The following SUCLG2 variants were observed in gnomAD, a reference collection of about 807,000 sequenced individuals.
SUCLG2 encodes succinate-CoA ligase GDP-forming subunit beta, also known as succinate--CoA ligase [GDP-forming] subunit beta, mitochondrial.
SUCLG2 carries 42 observed loss-of-function variants against 47.9 expected under a neutral mutation model. The observed-to-expected ratio is 0.88, with a 90% confidence interval of 0.69 to 1.14. The LOEUF is 1.14. SUCLG2 is among the 50% of genes most tolerant of loss of function. The probability of loss-of-function intolerance (pLI) is 0.00; values close to 1 mark genes in which losing one functional copy is unlikely to be tolerated. For missense variants in SUCLG2, 571 were observed against 525.9 expected (o/e 1.09, Z -0.84); for synonymous variants, 195 against 197.3 (o/e 0.99, Z 0.10).
intron 9 of SUCLG2, among the ~76,000 whole-genome samples, chr3:67,481,954 G>A (rs995725727): frequency 2.6e-5 from 4 of 152,148 alleles, no homozygotes; most frequent in Admixed American, 1.3e-4. Flanking sequence ...CGAGGCGGGC[G>A]GACCACCTGA....
At chr3:67,555,567 TA>T (rs1707137276) in intron 2 of SUCLG2, among the ~76,000 whole-genome samples, 2 of 152,128 alleles carry the variant, frequency 1.3e-5, no homozygotes, top group Admixed American at 6.5e-5. Flanking sequence ...AAAAAAGGGA[TA>T]AGTTGACATT....
chr3:67,631,806 T>C lies in SUCLG2; in HGVS notation c.85-22210A>G, dbSNP rs568945095. Among the ~76,000 whole-genome samples, 9 of 152,312 alleles carry C rather than the reference T, an allele frequency of 5.9e-5. No homozygotes were observed. The East Asian group carries it at 9.6e-4, about 16-fold the overall frequency. On this transcript the variant is annotated intron_variant, in intron 1 of 10. Transcript: ENST00000307227. The stretch of plus-strand genomic sequence containing the variant: ...AAAGGCACAAACCATGTCTCATGCA[T>C]TCACCAATGCATTTCCCATGCCTGG...
At chr3:67,573,470 T>C (rs570118403) in intron 2 of SUCLG2, among the ~76,000 whole-genome samples, 1 of 152,244 alleles carries the variant, frequency 6.6e-6, no homozygotes, top group Non-Finnish European at 1.5e-5. Context: ...ATTTGATTGC[T>C]TCCATTAGAA....
At chr3:67,446,434 T>G (rs1399204022) in intron 9 of SUCLG2, among the ~76,000 whole-genome samples, 6 of 122,812 alleles carry the variant, frequency 4.9e-5, no homozygotes, top group South Asian at 3.1e-4. Flanking sequence ...TTTTTTTTTT[T>G]TTTTTTTTTT....
chr3:67,543,764 T>C (rs1706784237), intron 2 of SUCLG2, among the ~76,000 whole-genome samples: 1 of 152,222 alleles, frequency 6.6e-6, no homozygotes, highest in South Asian at 2.1e-4. Context: ...ATCTTTTCTA[T>C]GTTGACTTAA....
At chr3:67,645,841 G>C (rs1257977310) in intron 1 of SUCLG2, among the ~76,000 whole-genome samples, 1 of 151,302 alleles carries the variant, frequency 6.6e-6, no homozygotes, top group Non-Finnish European at 1.5e-5. Context: ...ACTCAAATAA[G>C]TCCTTCAAGT....
rs1702014811 is a variant in SUCLG2 at position 67,375,419 on chromosome 3, G to A, written c.*325C>T. ...CACCAAAATTCTTGTAAATGAAGCAGGACTTGATTTCAAATTCTGTCTATA... is the reference window on the plus strand; with the variant it reads ...CACCAAAATTCTTGTAAATGAAGCAAGACTTGATTTCAAATTCTGTCTATA... On this transcript the variant is annotated 3_prime_UTR_variant, in exon 11 of 11. Transcript: ENST00000307227. The A allele has an allele frequency of 7.9e-6, 8 of 1,010,430 alleles. No homozygotes were observed. Among genetic ancestry groups the A allele is most frequent in the Non-Finnish European group, 9.4e-6 (8 of 846,830 alleles). The allele number at this position is 1,010,430 out of a possible 1,614,324, so 62.6% of individuals were successfully genotyped here.
At chr3:67,602,471 C>T (rs7647801) in intron 2 of SUCLG2, among the ~76,000 whole-genome samples, 2,675 of 152,104 alleles carry the variant, frequency 0.018, 72 homozygotes, top group African/African-American at 0.06. Context: ...TCAGTGAATA[C>T]CACAAGACAC....
intron 9 of SUCLG2, among the ~76,000 whole-genome samples, chr3:67,491,729 C>T (rs1250795973): frequency 6.6e-6 from 1 of 152,126 alleles, no homozygotes; most frequent in African/African-American, 2.4e-5. Context: ...AAGCTGTATA[C>T]TTAAAATTTG....
intron 9 of SUCLG2, among the ~76,000 whole-genome samples, chr3:67,430,084 T>C (rs558396438): frequency 6.6e-6 from 1 of 152,272 alleles, no homozygotes; most frequent in Admixed American, 6.5e-5. Context: ...TGAACTCAGC[T>C]CTGCACCAAG....
chr3:67,502,774 G>A (rs564944455), intron 7 of SUCLG2, among the ~76,000 whole-genome samples: 1 of 152,262 alleles, frequency 6.6e-6, no homozygotes, highest in East Asian at 1.9e-4. Context: ...CATATGTACA[G>A]GTTACCCATG....
chr3:67,447,734 T>C (rs898960164), intron 9 of SUCLG2, among the ~76,000 whole-genome samples: 3 of 152,246 alleles, frequency 2.0e-5, no homozygotes, highest in Non-Finnish European at 2.9e-5. Flanking sequence ...CAATTATTAA[T>C]GCATTTATTT....
At position 67,505,886 on chromosome 3, in the gene SUCLG2, C is replaced by T. The variant is rs562218188; in HGVS notation, c.757+2921G>A. Among the ~76,000 whole-genome samples the T allele has an allele frequency of 3.4e-4, 51 of 152,148 alleles. No homozygotes were observed. In the South Asian group the frequency reaches 0.011, roughly 32 times the overall value. ...CTGACGTAGGAGAATCACTTGAACT[C>T]GGGAGGTGGAGGCTGCAGTGAGCTG... On this transcript the variant is annotated intron_variant, in intron 7 of 10. Transcript: ENST00000307227.
intron 1 of SUCLG2, among the ~76,000 whole-genome samples, chr3:67,623,904 C>T (rs916775495): frequency 6.6e-6 from 1 of 152,162 alleles, no homozygotes; most frequent in Non-Finnish European, 1.5e-5. Flanking sequence ...ATCACCATTA[C>T]CAGGGGTCAA....
At chr3:67,432,595 C>G (rs917245448) in intron 9 of SUCLG2, among the ~76,000 whole-genome samples, 2 of 152,160 alleles carry the variant, frequency 1.3e-5, no homozygotes, top group African/African-American at 4.8e-5. Context: ...CCTGCCTATC[C>G]TTAGAAGCTT....
At chr3:67,412,196 T>A (rs1328094073) in intron 9 of SUCLG2, among the ~76,000 whole-genome samples, 1 of 152,178 alleles carries the variant, frequency 6.6e-6, no homozygotes, top group Admixed American at 6.5e-5. Context: ...AATTAGAAAC[T>A]ACATTGGCAG....
chr3:67,652,175 A>AC (rs35233913), intron 1 of SUCLG2, among the ~76,000 whole-genome samples: 44,942 of 149,788 alleles, frequency 0.3, 7,056 homozygotes, highest in Non-Finnish European at 0.36. Flanking sequence ...AAAAAAAAAA[A>AC]CTTCAATGAC....
intron 9 of SUCLG2, among the ~76,000 whole-genome samples, chr3:67,450,367 G>T (rs1221629149): frequency 1.3e-5 from 2 of 152,148 alleles, no homozygotes; most frequent in Admixed American, 1.3e-4. Flanking sequence ...TTATTAAATT[G>T]TAACTAGATA....
chr3:67,421,802 G>C (rs1703164604), intron 9 of SUCLG2, among the ~76,000 whole-genome samples: 1 of 152,164 alleles, frequency 6.6e-6, no homozygotes, highest in East Asian at 1.9e-4. Flanking sequence ...TTGCAAATTG[G>C]AAGAGTTTAA....
Sources: allele counts gnomAD v4.1 joint callset (sites outside exome capture counted in the v4.1 genomes callset), GRCh38; gene constraint gnomAD v4.1.1; transcripts MANE v1.5; gene names NCBI Gene and HGNC (gene_info 2026-07-23, HGNC 2026-07-21).